The following ADGRL3 variants were observed in gnomAD, a reference collection of about 807,000 sequenced individuals.
ADGRL3 encodes the protein calcium-independent alpha-latrotoxin receptor 3.
Under a neutral mutation model 153.5 loss-of-function variants are expected in ADGRL3, and 62 were observed. The ratio of observed to expected loss-of-function variants is 0.40; its 90% confidence interval spans 0.33 to 0.50. The LOEUF (loss-of-function observed/expected upper bound fraction) is 0.50, where lower values mean the gene tolerates loss of function less well. ADGRL3 is among the 20% of genes least tolerant of loss of function. ADGRL3 has a pLI of 0.47. For synonymous variants in ADGRL3, 710 were observed against 672.5 expected, an observed-to-expected ratio of 1.06 and a Z score of -0.86; for missense variants, 1,641 against 1,859.4, an observed-to-expected ratio of 0.88 and a Z score of 2.16.
chr4:61,643,931 G>T (rs2093821925), intron 5 of ADGRL3, among the ~76,000 whole-genome samples: 1 of 137,828 alleles, frequency 7.3e-6, no homozygotes, highest in Non-Finnish European at 1.6e-5. Context: ...GACTCTTTTT[G>T]GTTGGTAAGC....
At chr4:61,310,608 T>C (rs1190915729) in intron 1 of ADGRL3, among the ~76,000 whole-genome samples, 1 of 152,136 alleles carries the variant, frequency 6.6e-6, no homozygotes, top group Non-Finnish European at 1.5e-5. Context: ...GTATTGAAAT[T>C]GCAAGATCAA....
chr4:61,751,371 T>C (rs2096754729), intron 8 of ADGRL3, among the ~76,000 whole-genome samples: 1 of 152,138 alleles, frequency 6.6e-6, no homozygotes, highest in Non-Finnish European at 1.5e-5. Context: ...TCGTTTGAGA[T>C]TACATATTTA....
At chr4:61,590,025 G>A (rs995031923) in intron 5 of ADGRL3, among the ~76,000 whole-genome samples, 2 of 151,948 alleles carry the variant, frequency 1.3e-5, no homozygotes, top group South Asian at 2.1e-4. Context: ...CCCACCAATC[G>A]TCCATGCTTT....
intron 8 of ADGRL3, among the ~76,000 whole-genome samples, chr4:61,795,952 C>T (rs1443756109): frequency 1.3e-5 from 2 of 152,132 alleles, no homozygotes; most frequent in Non-Finnish European, 2.9e-5. Context: ...AAGCGATTCT[C>T]CTGCCTCAGC....
intron 1 of ADGRL3, among the ~76,000 whole-genome samples, chr4:61,314,689 G>A (rs1311197565): frequency 1.3e-5 from 2 of 152,154 alleles, no homozygotes; most frequent in Non-Finnish European, 2.9e-5. Flanking sequence ...AAGGTTTATT[G>A]CCCTTCTGGA....
At chr4:61,636,918 G>A (rs79867986) in intron 5 of ADGRL3, among the ~76,000 whole-genome samples, 3,411 of 151,882 alleles carry the variant, frequency 0.022, 109 homozygotes, top group East Asian at 0.14. Context: ...AAAGTAAAAC[G>A]TAACAGTAAG....
chr4:62,042,763 A>C (rs1014561256), intron 24 of ADGRL3, among the ~76,000 whole-genome samples: 1 of 152,104 alleles, frequency 6.6e-6, no homozygotes, highest in Non-Finnish European at 1.5e-5. Context: ...AATCTTTAAA[A>C]ATTCTGTAGT....
chr4:61,948,337 T>G (rs572201054), intron 17 of ADGRL3, 61 bp downstream of exon 17: 1 of 1,256,420 alleles, frequency 8.0e-7, no homozygotes, highest in Non-Finnish European at 1.1e-6. Flanking sequence ...TAACTGTAAA[T>G]AGTCCTAACT....
Position 61,456,377 on chromosome 4 carries a change from A to ATATATATATAGATATATCTATATC in ADGRL3, c.-173-40734_-173-40733insGATATATCTATATCTATATATATA, listed in dbSNP as rs1560663825. 5.9e-4 allele frequency among the ~76,000 whole-genome samples: 67 copies of ATATATATATAGATATATCTATATC among 113,612 alleles called. 4 individuals are homozygous for ATATATATATAGATATATCTATATC. The highest frequency in any genetic ancestry group is 2.6e-3 in the African/African-American group (66 of 25,660). 74.5% of individuals were successfully genotyped at this position (113,612 alleles called of 152,430 possible). A position where few individuals can be genotyped will look rare whatever the true frequency, so the allele number is the denominator to read the frequency against. On this transcript the variant is annotated intron_variant, in intron 2 of 26. Transcript: ENST00000683033. ...TATATATAGAGATATAGATATATCT[A>ATATATATATAGATATATCTATATC]TATATATATATAGATATATCTATAT...
chr4:61,375,971 A>G (rs975289873), intron 1 of ADGRL3, among the ~76,000 whole-genome samples: 4 of 152,094 alleles, frequency 2.6e-5, no homozygotes, highest in African/African-American at 9.7e-5. Flanking sequence ...AACAATATTT[A>G]TTAATAAAGT....
At chr4:61,318,716 T>G (rs1185150607) in intron 1 of ADGRL3, among the ~76,000 whole-genome samples, 16 of 152,276 alleles carry the variant, frequency 1.1e-4, no homozygotes, top group Non-Finnish European at 1.9e-4. Flanking sequence ...TGCACCACCC[T>G]AGTACACTAC....
intron 9 of ADGRL3, among the ~76,000 whole-genome samples, chr4:61,826,985 C>T (rs1257379679): frequency 6.6e-6 from 1 of 152,132 alleles, no homozygotes; most frequent in Non-Finnish European, 1.5e-5. Flanking sequence ...TTCGTTCTTT[C>T]CCTTCCATTT....
intron 1 of ADGRL3, among the ~76,000 whole-genome samples, chr4:61,287,365 T>C (rs1382177708): frequency 6.6e-6 from 1 of 151,946 alleles, no homozygotes; most frequent in Admixed American, 6.6e-5. Context: ...TTCTAACATA[T>C]CGACATTTCC....
chr4:61,397,593 A>G (rs970006605), intron 2 of ADGRL3, among the ~76,000 whole-genome samples: 5 of 151,690 alleles, frequency 3.3e-5, no homozygotes, highest in African/African-American at 1.2e-4. Context: ...TTTCCACCAC[A>G]TAGCCAGAAT....
intron 8 of ADGRL3, among the ~76,000 whole-genome samples, chr4:61,755,214 A>C (rs375604772): frequency 1.4e-4 from 21 of 152,168 alleles, no homozygotes; most frequent in South Asian, 1.2e-3. Context: ...ACAATGGTTG[A>C]ACTAGTTTAC....
chr4:61,928,455 G>A (rs2098803749), intron 13 of ADGRL3, among the ~76,000 whole-genome samples: 1 of 152,078 alleles, frequency 6.6e-6, no homozygotes, highest in Non-Finnish European at 1.5e-5. Context: ...TGGGTTTCTA[G>A]ATCTGTTTTG....
chr4:61,781,331 C>CAAAAAAAAAAAAAAAAAAAAAAAAAAAAA (rs71281828), intron 8 of ADGRL3, among the ~76,000 whole-genome samples: 8 of 64,416 alleles, frequency 1.2e-4, no homozygotes, highest in African/African-American at 4.0e-4. Context: ...ATTCTGCCTC[C>CAAAAAAAAAAAAAAAAAAAAAAAAAAAAA]AAAAAAAAAA....
At chr4:61,855,112 T>A (rs1450992389) in intron 9 of ADGRL3, among the ~76,000 whole-genome samples, 1 of 152,164 alleles carries the variant, frequency 6.6e-6, no homozygotes, top group Non-Finnish European at 1.5e-5. Flanking sequence ...ATTAATGAAA[T>A]TTTAAAAACT....
At chr4:61,888,470 C>G (rs1392512775) in intron 9 of ADGRL3, among the ~76,000 whole-genome samples, 20 of 152,106 alleles carry the variant, frequency 1.3e-4, no homozygotes, top group Non-Finnish European at 2.9e-4. Context: ...ATATTTTTTT[C>G]TCTTGTATTT....
Sources: allele counts gnomAD v4.1 joint callset (sites outside exome capture counted in the v4.1 genomes callset), GRCh38; gene constraint gnomAD v4.1.1; transcripts MANE v1.5; gene names NCBI Gene and HGNC (gene_info 2026-07-23, HGNC 2026-07-21).